Variants in NEK11 observed in about 807,000 individuals in gnomAD.
NEK11 encodes serine/threonine-protein kinase Nek11.
NEK11 carries 72 observed loss-of-function variants against 80.7 expected under a neutral mutation model. The ratio of observed to expected loss-of-function variants is 0.89; its 90% confidence interval spans 0.74 to 1.08. The LOEUF (loss-of-function observed/expected upper bound fraction) is 1.08, where lower values mean the gene tolerates loss of function less well. Among genes scored for constraint, NEK11 ranks in the 50% least tolerant of loss-of-function variants. The pLI is 0.00. For missense variants in NEK11, 764 were observed against 763.6 expected, an observed-to-expected ratio of 1.00 and a Z score of -0.01; for synonymous variants, 251 against 260.7, an observed-to-expected ratio of 0.96 and a Z score of 0.36.
At chr3:131,084,748 G>A (rs1289969156) in intron 4 of NEK11, among the ~76,000 whole-genome samples, 1 of 152,126 alleles carries the variant, frequency 6.6e-6, no homozygotes, top group Non-Finnish European at 1.5e-5. Flanking sequence ...AACATTGGCT[G>A]CATCTTAGAA....
At chr3:131,319,460 C>G (rs2096876236) in intron 17 of NEK11, among the ~76,000 whole-genome samples, 1 of 151,990 alleles carries the variant, frequency 6.6e-6, no homozygotes, top group Admixed American at 6.6e-5. Context: ...AGAATTATGC[C>G]CAGAGTGCCA....
At chr3:131,259,990 A>G (rs1019329538) in intron 16 of NEK11, among the ~76,000 whole-genome samples, 2 of 152,082 alleles carry the variant, frequency 1.3e-5, no homozygotes, top group African/African-American at 4.8e-5. Flanking sequence ...GTCACAGGAG[A>G]AGCTCAAGGA....
chr3:131,238,628 A>T (rs373702416), intron 15 of NEK11, among the ~76,000 whole-genome samples: 2 of 152,156 alleles, frequency 1.3e-5, no homozygotes, highest in Admixed American at 6.6e-5. Flanking sequence ...CATGACCTGG[A>T]GGATGGAAAG....
chr3:131,314,839 T>C (rs1167051506), intron 17 of NEK11, among the ~76,000 whole-genome samples: 1 of 152,250 alleles, frequency 6.6e-6, no homozygotes, highest in Non-Finnish European at 1.5e-5. Context: ...AAATATATTT[T>C]ATTACATTAT....
At chr3:131,212,422 C>A (rs1477391634) in intron 14 of NEK11, among the ~76,000 whole-genome samples, 2 of 152,196 alleles carry the variant, frequency 1.3e-5, no homozygotes, top group African/African-American at 2.4e-5. Flanking sequence ...ATGTGTCTCC[C>A]AGTTAGGCTG....
At chr3:131,222,908 T>C (rs1043377230) in intron 14 of NEK11, among the ~76,000 whole-genome samples, 2 of 152,308 alleles carry the variant, frequency 1.3e-5, no homozygotes, top group South Asian at 4.1e-4. Context: ...AATTGAAGGA[T>C]CTGATAAAGG....
Position 131,168,871 on chromosome 3 carries a change from A to G in NEK11, c.1218A>G (p.Gln406=). 1 of 1,614,084 alleles carries G rather than the reference A, an allele frequency of 6.2e-7. No homozygotes were observed. Residue 406 remains glutamine, a synonymous_variant, in exon 13 of 18, where the codon CAA becomes CAG. Coordinates refer to ENST00000383366, the MANE Select transcript of NEK11 (RefSeq NM_024800.5). ...HLKGMEEKEE[Q]PEGRLSCSPQ... ...AAGGAATGGAAGAAAAGGAGGAGCAACCTGAGGGAAGACTTTCTTGTTCAC... is the reference window on the plus strand; with the variant it reads ...AAGGAATGGAAGAAAAGGAGGAGCAGCCTGAGGGAAGACTTTCTTGTTCAC...
chr3:131,296,632 T>C (rs2096596169), intron 17 of NEK11, among the ~76,000 whole-genome samples: 1 of 152,142 alleles, frequency 6.6e-6, no homozygotes, highest in African/African-American at 2.4e-5. Context: ...CACACGACTT[T>C]CATTTTACTT....
chr3:131,218,504 C>T (rs1309739048), intron 14 of NEK11, among the ~76,000 whole-genome samples: 1 of 152,198 alleles, frequency 6.6e-6, no homozygotes, highest in Non-Finnish European at 1.5e-5. Context: ...GATCCAAGAA[C>T]AATTCTGTGG....
At position 131,178,275 on chromosome 3, in the gene NEK11, G is replaced by T. The variant is rs151171040; in HGVS notation, c.1399+7388G>T. 3.4e-3 allele frequency among the ~76,000 whole-genome samples: 524 copies of T among 152,090 alleles called. 2 individuals are homozygous for T. Among genetic ancestry groups the T allele is most frequent in the African/African-American group, 0.012 (479 of 41,494 alleles). On this transcript the variant is annotated intron_variant, in intron 14 of 17. Transcript: ENST00000383366. ...TAAGCACTGTATATATAACACTTAGGCTATACTAAATTTATTTTGAAAATA... is the reference window on the plus strand; with the variant it reads ...TAAGCACTGTATATATAACACTTAGTCTATACTAAATTTATTTTGAAAATA...
chr3:131,134,537 A>AG (rs201722991), intron 7 of NEK11, among the ~76,000 whole-genome samples: 2,036 of 152,030 alleles, frequency 0.013, 27 homozygotes, highest in East Asian at 0.08. Context: ...AGTAGCTGGG[A>AG]CTACAGGCTC....
intron 10 of NEK11, among the ~76,000 whole-genome samples, chr3:131,158,051 A>C (rs537874601): frequency 6.6e-6 from 1 of 151,914 alleles, no homozygotes; most frequent in South Asian, 2.1e-4. Context: ...TCAGACTTGA[A>C]CTCTGCAGGC....
chr3:131,097,009 G>A lies in NEK11; in HGVS notation c.337-12794G>A, dbSNP rs891549232. Reference sequence around the variant, plus strand: ...TGTTTGGTGTTTTGTCCTTGCGATAGTTTACTGAGAAGATGGTTTCCAATT... The same window carrying A: ...TGTTTGGTGTTTTGTCCTTGCGATAATTTACTGAGAAGATGGTTTCCAATT... On this transcript the variant is annotated intron_variant, in intron 4 of 17. Transcript: ENST00000383366. Among the ~76,000 whole-genome samples the A allele has an allele frequency of 4.0e-5, 6 of 151,134 alleles. 1 individual carries two copies. The highest frequency in any genetic ancestry group is 1.5e-4 in the African/African-American group (6 of 41,030).
chr3:131,094,559 A>G (rs2077170746), intron 4 of NEK11, among the ~76,000 whole-genome samples: 1 of 152,170 alleles, frequency 6.6e-6, no homozygotes, highest in African/African-American at 2.4e-5. Flanking sequence ...CTGCTTTATA[A>G]CTTGTCCAGT....
chr3:131,294,810 CCTTT>C (rs1430553462), intron 17 of NEK11, among the ~76,000 whole-genome samples: 1 of 152,034 alleles, frequency 6.6e-6, no homozygotes, highest in Non-Finnish European at 1.5e-5. Flanking sequence ...AGAATTGACC[CCTTT>C]ATTACTATGT....
In NEK11 at chr3:131,161,814, A is replaced by G. The variant is rs574858187; in HGVS notation, c.963-594A>G. On this transcript the variant is annotated intron_variant, in intron 10 of 17. Coordinates refer to ENST00000383366, the MANE Select transcript of NEK11 (RefSeq NM_024800.5). The stretch of plus-strand genomic sequence containing the variant: ...GTTTACCTATATAACAAACCTGCAC[A>G]TGCATCCCTGAACTTTAAATAAAAG... Among the ~76,000 whole-genome samples the G allele has an allele frequency of 5.3e-5, 8 of 152,338 alleles. No homozygotes were observed. In the East Asian group the frequency reaches 1.2e-3, roughly 22 times the overall value.
At chr3:131,267,697 C>G (rs1201748839) in intron 16 of NEK11, among the ~76,000 whole-genome samples, 1 of 151,782 alleles carries the variant, frequency 6.6e-6, no homozygotes, top group Non-Finnish European at 1.5e-5. Context: ...CTCTGGCTGC[C>G]CTTAACCTTT....
chr3:131,210,631 G>A lies in NEK11; in HGVS notation c.1400-17897G>A, dbSNP rs547425601. ...CTAAGTCTCTTTGTAGGTCTCTAAG[G>A]ACTTGCTTTATTAATCTGGGTTCTC... On this transcript the variant is annotated intron_variant, in intron 14 of 17. Transcript: ENST00000383366. Among the ~76,000 whole-genome samples the A allele has an allele frequency of 5.4e-3, 821 of 152,194 alleles. 6 individuals are homozygous for A. The Middle Eastern group carries it at 0.054, about 10-fold the overall frequency.
At chr3:131,064,437 C>G (rs1362122109) in intron 3 of NEK11, among the ~76,000 whole-genome samples, 1 of 152,072 alleles carries the variant, frequency 6.6e-6, no homozygotes, top group African/African-American at 2.4e-5. Context: ...CCTGGTCTCT[C>G]CCTCTCCTTA....
Sources: gnomAD v4.1 joint callset for allele counts (sites outside exome capture counted in the v4.1 genomes callset) on GRCh38, gnomAD v4.1.1 for gene constraint, MANE v1.5 for transcripts, NCBI Gene and HGNC (gene_info 2026-07-23, HGNC 2026-07-21) for gene names.